The following DCAF6 variants were observed in gnomAD, a reference collection of about 807,000 sequenced individuals.
DCAF6 encodes DDB1 and CUL4 associated factor 6.
A neutral mutation model predicts 125.1 loss-of-function variants in DCAF6; 54 were observed. The ratio of observed to expected loss-of-function variants is 0.43; its 90% confidence interval spans 0.35 to 0.54. The LOEUF (loss-of-function observed/expected upper bound fraction) is 0.54. Among genes scored for constraint, DCAF6 ranks in the 20% least tolerant of loss-of-function variants. The probability of loss-of-function intolerance (pLI) is 0.01; values close to 1 mark genes in which losing one functional copy is unlikely to be tolerated. For missense variants in DCAF6, 934 were observed against 1,161.7 expected, an observed-to-expected ratio of 0.80 and a Z score of 2.85; for synonymous variants, 371 against 390.4, an observed-to-expected ratio of 0.95 and a Z score of 0.58.
chr1:168,008,880 AC>A (rs1017746608), intron 10 of DCAF6, among the ~76,000 whole-genome samples: 3 of 21,840 alleles, frequency 1.4e-4, no homozygotes, highest in Admixed American at 5.3e-4. Context: ...CCCTGCCCCC[AC>A]CCCCTCCCCT....
rs1228517213 is a variant in DCAF6 at position 168,004,968 on chromosome 1, A to G, written c.1378+175A>G. On this transcript the variant is annotated intron_variant, in intron 10 of 21. Transcript: ENST00000367840. The stretch of plus-strand genomic sequence containing the variant: ...CAAAAATTAATTATGTCTTACTTGC[A>G]TGAATTTTAACAAATAGCAGGAATC... Among the ~76,000 whole-genome samples, 3 of 152,210 alleles carry G rather than the reference A, an allele frequency of 2.0e-5. No individual in the cohort carries two copies. In the East Asian group the frequency reaches 5.8e-4, roughly 29 times the overall value.
intron 1 of DCAF6, among the ~76,000 whole-genome samples, chr1:167,944,307 ATTTCT>A (rs1557873563): frequency 6.6e-6 from 1 of 152,222 alleles, no homozygotes; most frequent in South Asian, 2.1e-4. Context: ...AGATATATTA[ATTTCT>A]TTTCTTTTTG....
At chr1:167,947,362 T>A (rs1673233129) in intron 1 of DCAF6, among the ~76,000 whole-genome samples, 1 of 151,726 alleles carries the variant, frequency 6.6e-6, no homozygotes, top group Non-Finnish European at 1.5e-5. Context: ...TTTCAGTCCA[T>A]ATTTCATTTA....
chr1:167,891,724 T>C, the DCAF6 span, among the ~76,000 whole-genome samples: 1 of 151,696 alleles, frequency 6.6e-6, no homozygotes, highest in Non-Finnish European at 1.5e-5. Context: ...ATCCCTGAAT[T>C]TTGTTAATTA....
chr1:167,882,962 T>A, the DCAF6 span, among the ~76,000 whole-genome samples: 2 of 152,230 alleles, frequency 1.3e-5, no homozygotes, highest in Admixed American at 1.3e-4. Flanking sequence ...CTGAGAACAG[T>A]GCCTGGCACA....
chr1:168,043,063 A>C lies in DCAF6; in HGVS notation c.1766A>C (p.His589Pro). 6.2e-7 allele frequency: 1 copy of C among 1,613,012 alleles called. No individual in the cohort carries two copies. Among genetic ancestry groups the C allele is most frequent in the East Asian group, 2.2e-5 (1 of 44,856 alleles). ...TCAAGTTCTAGAGGAATTGGGAGCC[A>C]TTGCAAATCTGAGGGTCAGGAGGAA... ...IASSSRGIGS[H>P]CKSEGQEESF... Residue 589 changes from histidine (H) to proline (P), a missense_variant, in exon 14 of 22, where the codon CAT (histidine) becomes CCT (proline). Coordinates refer to ENST00000367840, the MANE Select transcript of DCAF6 (RefSeq NM_001198956.2).
At chr1:167,936,638 C>T (rs932682180), upstream of DCAF6, 19 of 388,000 alleles carry the variant, frequency 4.9e-5, no homozygotes, top group African/African-American at 3.9e-4. Flanking sequence ...CCTCCGCCTC[C>T]TCCTGTTGGA....
intron 21 of DCAF6, 22 bp downstream of exon 21, chr1:168,068,485 C>G (rs1692624917): frequency 8.1e-7 from 1 of 1,234,674 alleles, no homozygotes; most frequent in East Asian, 2.7e-5. Flanking sequence ...AAGTATACTA[C>G]TAAAACCATT....
chr1:167,901,013 C>G, the DCAF6 span, among the ~76,000 whole-genome samples: 3 of 152,288 alleles, frequency 2.0e-5, no homozygotes, highest in East Asian at 5.8e-4. Context: ...TTACTCATTA[C>G]TTATACCTCT....
At chr1:167,894,371 A>G in the DCAF6 span, among the ~76,000 whole-genome samples, 1 of 152,134 alleles carries the variant, frequency 6.6e-6, no homozygotes, top group South Asian at 2.1e-4. Context: ...CAGGCTTGAT[A>G]CCGCTTCACT....
At chr1:167,921,690 G>C in the DCAF6 span, among the ~76,000 whole-genome samples, 1 of 151,914 alleles carries the variant, frequency 6.6e-6, no homozygotes, top group Admixed American at 6.6e-5. Context: ...AGTTTTACTT[G>C]TTAATGTAAT....
rs186989072 is a variant in DCAF6 at position 167,972,592 on chromosome 1, G to T, written c.253-2238G>T. Among the ~76,000 whole-genome samples, 6 of 152,334 alleles carry T rather than the reference G, an allele frequency of 3.9e-5. No individual in the cohort carries two copies. The East Asian group carries it at 1.2e-3, about 29-fold the overall frequency. On this transcript the variant is annotated intron_variant, in intron 3 of 21. Transcript: ENST00000367840. ...TGAAATAATCCAGGTAAGAGGGAAA[G>T]ATGACTCAGGCACAGATAATGACAT...
Position 167,936,897 on chromosome 1 carries a change from G to A in DCAF6, c.-15G>A. ...CACGCGGTGGTCTCCCCTCCCACCC[G>A]GCTCAGGCAGAGCCATGTCTCGGGG... is the stretch of plus-strand genomic sequence containing the variant. On this transcript the variant is annotated 5_prime_UTR_variant, in exon 1 of 22. Transcript: ENST00000367840. The A allele has an allele frequency of 1.6e-6, 2 of 1,278,906 alleles. No homozygotes were observed. The highest frequency in any genetic ancestry group is 1.1e-6 in the Non-Finnish European group (1 of 922,304). The allele number at this position is 1,278,906 out of a possible 1,614,324, so 79.2% of individuals were successfully genotyped here.
intron 4 of DCAF6, among the ~76,000 whole-genome samples, chr1:167,986,162 T>A (rs1679977363): frequency 6.6e-6 from 1 of 152,258 alleles, no homozygotes; most frequent in East Asian, 1.9e-4. Flanking sequence ...ATATAAATAG[T>A]GCTGCTGTGA....
intron 2 of DCAF6, among the ~76,000 whole-genome samples, chr1:167,952,237 G>T (rs1344649973): frequency 2.0e-5 from 3 of 151,600 alleles, no homozygotes; most frequent in African/African-American, 4.9e-5. Context: ...GTCTTGCTCT[G>T]TTGCCCAGGC....
intron 12 of DCAF6, among the ~76,000 whole-genome samples, chr1:168,035,706 A>G (rs931299741): frequency 1.3e-5 from 2 of 152,226 alleles, no homozygotes; most frequent in East Asian, 1.9e-4. Context: ...TTATGATTAA[A>G]TGAATATTAC....
chr1:167,952,197 G>GTTTGTT (rs376537520), intron 2 of DCAF6, among the ~76,000 whole-genome samples: 2 of 151,102 alleles, frequency 1.3e-5, no homozygotes, highest in African/African-American at 4.9e-5. Context: ...ACTTTTTTTT[G>GTTTGTT]TTTGTTTTTG....
intron 7 of DCAF6, among the ~76,000 whole-genome samples, chr1:167,997,154 C>A (rs1228593129): frequency 6.6e-6 from 1 of 151,978 alleles, no homozygotes; most frequent in African/African-American, 2.4e-5. Flanking sequence ...AGTATTCTTG[C>A]CTAGGTTATT....
the DCAF6 span, among the ~76,000 whole-genome samples, chr1:167,887,956 G>GTA: frequency 6.6e-6 from 1 of 152,046 alleles, no homozygotes; most frequent in Non-Finnish European, 1.5e-5. Context: ...CTTGATTTTT[G>GTA]TATATAGCAA....
Sources: allele counts gnomAD v4.1 joint callset (sites outside exome capture counted in the v4.1 genomes callset), GRCh38; gene constraint gnomAD v4.1.1; transcripts MANE v1.5; gene names NCBI Gene and HGNC (gene_info 2026-07-23, HGNC 2026-07-21).